The following FAR1 variants were observed in gnomAD, a reference collection of about 807,000 sequenced individuals.
FAR1 encodes the protein fatty acyl-CoA reductase 1, also known as male sterility domain-containing protein 2.
In FAR1, 22 loss-of-function variants were observed where a neutral mutation model predicts 61.1. The observed-to-expected ratio is 0.36, with a 90% confidence interval of 0.26 to 0.51. FAR1 has a LOEUF of 0.51. FAR1 is among the 20% of genes least tolerant of loss of function. The probability of loss-of-function intolerance (pLI) is 0.95; values close to 1 mark genes in which losing one functional copy is unlikely to be tolerated. For missense variants in FAR1, 359 were observed against 626.9 expected (o/e 0.57, Z 4.56); for synonymous variants, 206 against 209.7 (o/e 0.98, Z 0.15).
At chr11:13,714,010 G>A (rs1410356549) in intron 8 of FAR1, among the ~76,000 whole-genome samples, 1 of 152,020 alleles carries the variant, frequency 6.6e-6, no homozygotes, top group East Asian at 1.9e-4. Flanking sequence ...GATGATACTA[G>A]GTTTGATTAT....
chr11:13,692,894 T>C (rs762406589), intron 1 of FAR1, among the ~76,000 whole-genome samples: 7 of 152,218 alleles, frequency 4.6e-5, no homozygotes, highest in Non-Finnish European at 7.3e-5. Flanking sequence ...CTATTGCTTT[T>C]CATTTTGGTC....
chr11:13,723,467 GAT>G, intron 10 of FAR1: 1 of 368,760 alleles, frequency 2.7e-6, no homozygotes, highest in Non-Finnish European at 5.2e-6. Flanking sequence ...CTTTATAGGT[GAT>G]ATGTTATTCC....
At chr11:13,698,423 A>G (rs566961250) in intron 2 of FAR1, among the ~76,000 whole-genome samples, 4 of 152,318 alleles carry the variant, frequency 2.6e-5, no homozygotes, top group Admixed American at 6.5e-5. Context: ...CGTTATTTTG[A>G]TTCAGACAAG....
chr11:13,699,917 G>A (rs1254044774), intron 2 of FAR1, among the ~76,000 whole-genome samples: 1 of 152,106 alleles, frequency 6.6e-6, no homozygotes, highest in Non-Finnish European at 1.5e-5. Flanking sequence ...ATGAAGTGAA[G>A]TGAAAAATTA....
At chr11:13,686,510 GC>G in intron 1 of FAR1, 1 of 152,020 alleles carries the variant, frequency 6.6e-6, no homozygotes, top group South Asian at 2.1e-4. Context: ...CCAAAAAGCT[GC>G]CGTTTAAAAA....
intron 2 of FAR1, among the ~76,000 whole-genome samples, chr11:13,698,965 T>A (rs1848339768): frequency 6.6e-6 from 1 of 152,210 alleles, no homozygotes. Context: ...TCCTGCATAC[T>A]CTATGTTCCA....
Position 13,714,503 on chromosome 11 carries a change from C to T in FAR1, c.956-6C>T, listed in dbSNP as rs969165722. On this transcript the variant is annotated splice_region_variant and splice_polypyrimidine_tract_variant and intron_variant, in intron 8 of 11. Transcript: ENST00000354817. ...TCAAAGCTGTTACACAACTTTTCTT[C>T]TTCAGAGTACCATGTAATTTCCACT... is the stretch of plus-strand genomic sequence containing the variant. The T allele has an allele frequency of 1.9e-6, 3 of 1,597,468 alleles. No homozygotes were observed. In the Admixed American group the frequency reaches 5.3e-5, roughly 28 times the overall value.
chr11:13,708,478 T>TACAC (rs1491449580), intron 4 of FAR1, among the ~76,000 whole-genome samples: 1 of 105,806 alleles, frequency 9.5e-6, no homozygotes, highest in South Asian at 2.9e-4. Flanking sequence ...CACACACACA[T>TACAC]ACATTTATCT....
Position 13,732,136 on chromosome 11 carries a change from A to G in FAR1, c.*3362A>G, listed in dbSNP as rs1848734304. 1 of 151,514 alleles carries G rather than the reference A, an allele frequency of 6.6e-6. No homozygotes were observed. The highest frequency in any genetic ancestry group is 2.1e-4 in the South Asian group (1 of 4,826). The allele number at this position is 151,514 out of a possible 1,614,324, so 9.4% of individuals were successfully genotyped here. Reference sequence around the variant, plus strand: ...AATTGTCTCTGTGATAAAAAAAAAAAATGAAATATTTTCTTATTGAATTAA... The same window carrying G: ...AATTGTCTCTGTGATAAAAAAAAAAGATGAAATATTTTCTTATTGAATTAA... On this transcript the variant is annotated 3_prime_UTR_variant, in exon 12 of 12. Transcript: ENST00000354817.
At chr11:13,672,742 A>G (rs1337819834) in intron 1 of FAR1, among the ~76,000 whole-genome samples, 1 of 152,154 alleles carries the variant, frequency 6.6e-6, no homozygotes, top group Non-Finnish European at 1.5e-5. Context: ...CTGGATTGTC[A>G]CTGATGGAAA....
intron 1 of FAR1, among the ~76,000 whole-genome samples, chr11:13,679,899 A>G (rs113480860): frequency 3.3e-5 from 5 of 152,188 alleles, no homozygotes; most frequent in African/African-American, 7.2e-5. Context: ...CCTAAGAACT[A>G]ATGAACGTCT....
intron 1 of FAR1, chr11:13,685,670 T>C (rs1848177763): frequency 5.8e-6 from 1 of 173,590 alleles, no homozygotes; most frequent in Non-Finnish European, 1.3e-5. Flanking sequence ...AGAAGCCAAG[T>C]CGAGCACACA....
At chr11:13,719,146 A>T (rs1045081133) in intron 9 of FAR1, among the ~76,000 whole-genome samples, 3 of 152,188 alleles carry the variant, frequency 2.0e-5, no homozygotes, top group Non-Finnish European at 4.4e-5. Flanking sequence ...GTAGGTGGGC[A>T]TGTAGGATGG....
chr11:13,677,793 A>G (rs926410484), intron 1 of FAR1, among the ~76,000 whole-genome samples: 1 of 152,204 alleles, frequency 6.6e-6, no homozygotes, highest in African/African-American at 2.4e-5. Flanking sequence ...AGGTATAAGC[A>G]TTTTTTGGGA....
At position 13,730,688 on chromosome 11, in the gene FAR1, G is replaced by C. The variant is rs2134205665; in HGVS notation, c.*1914G>C. 2 of 152,128 alleles carry C rather than the reference G, an allele frequency of 1.3e-5. 1 individual carries two copies. The allele number at this position is 152,128 out of a possible 1,614,324, so 9.4% of individuals were successfully genotyped here. A position where few individuals can be genotyped will look rare whatever the true frequency, so the allele number is the denominator to read the frequency against. On this transcript the variant is annotated 3_prime_UTR_variant, in exon 12 of 12. Transcript: ENST00000354817. ...GTCTGTGTGTCTTGCAAAAGAGTTG[G>C]GGACAACTTGGGCAGGCCTATGAAG...
chr11:13,722,567 G>A (rs1407140691), intron 10 of FAR1, among the ~76,000 whole-genome samples: 6 of 151,548 alleles, frequency 4.0e-5, no homozygotes, highest in African/African-American at 7.3e-5. Context: ...TCTGCCTCCC[G>A]GGTTCAAGCG....
intron 10 of FAR1, among the ~76,000 whole-genome samples, chr11:13,724,198 C>T (rs1274474498): frequency 6.6e-6 from 1 of 151,944 alleles, no homozygotes; most frequent in Non-Finnish European, 1.5e-5. Context: ...AAGCCAGGGC[C>T]CCTTTAAAAT....
At chr11:13,722,511 G>C (rs1471962413) in intron 10 of FAR1, among the ~76,000 whole-genome samples, 1 of 148,472 alleles carries the variant, frequency 6.7e-6, no homozygotes, top group Non-Finnish European at 1.5e-5. Context: ...GTTTCGTTCT[G>C]TGCCCAGGCT....
intron 10 of FAR1, among the ~76,000 whole-genome samples, chr11:13,724,950 G>T (rs1397354474): frequency 2.6e-5 from 4 of 152,126 alleles, no homozygotes; most frequent in African/African-American, 7.2e-5. Context: ...TCTTTGTAGG[G>T]TTGCGAGAAT....
Sources: gnomAD v4.1 joint callset for allele counts (sites outside exome capture counted in the v4.1 genomes callset) on GRCh38, gnomAD v4.1.1 for gene constraint, MANE v1.5 for transcripts, NCBI Gene and HGNC (gene_info 2026-07-23, HGNC 2026-07-21) for gene names.